ASTN1: variants seen among roughly 807,000 people sequenced by gnomAD.
ASTN1 encodes the protein astrotactin-1.
In ASTN1, 41 loss-of-function variants were observed where a neutral mutation model predicts 140.7. That is an observed-to-expected ratio of 0.29 (90% CI 0.23 to 0.38). The LOEUF (loss-of-function observed/expected upper bound fraction) is 0.38. Ranked by LOEUF, ASTN1 falls within the 10% of genes least tolerant of loss-of-function variation. The pLI, the probability that ASTN1 is intolerant of heterozygous loss-of-function variation, is 1.00. For missense variants in ASTN1, 1,479 were observed against 1,678.8 expected (o/e 0.88, Z 2.08); for synonymous variants, 640 against 652.2 (o/e 0.98, Z 0.29).
chr1:177,108,858 T>C (rs1364133743), intron 1 of ASTN1, among the ~76,000 whole-genome samples: 1 of 152,108 alleles, frequency 6.6e-6, no homozygotes, highest in Non-Finnish European at 1.5e-5. Flanking sequence ...TGAAGTTATA[T>C]AGTTGTAGGC....
intron 16 of ASTN1, among the ~76,000 whole-genome samples, chr1:176,930,866 G>A (rs1324865589): frequency 6.6e-6 from 1 of 152,114 alleles, no homozygotes; most frequent in African/African-American, 2.4e-5. Flanking sequence ...GGTAAAGAGG[G>A]GCGTGTGTTT....
intron 8 of ASTN1, among the ~76,000 whole-genome samples, chr1:176,966,344 A>G (rs1267274545): frequency 6.6e-6 from 1 of 152,210 alleles, no homozygotes; most frequent in Non-Finnish European, 1.5e-5. Flanking sequence ...CAATGACACA[A>G]TGACTGAAGG....
intron 14 of ASTN1, among the ~76,000 whole-genome samples, chr1:176,936,590 T>TTATG (rs1671457967): frequency 6.6e-6 from 1 of 152,254 alleles, no homozygotes; most frequent in East Asian, 1.9e-4. Context: ...CATACATATA[T>TTATG]TAAGCCATTT....
At chr1:176,869,806 G>T (rs1668265331) in intron 21 of ASTN1, among the ~76,000 whole-genome samples, 1 of 152,184 alleles carries the variant, frequency 6.6e-6, no homozygotes, top group Non-Finnish European at 1.5e-5. Context: ...CCCTGGCAGT[G>T]GGTGGTGCGC....
chr1:176,913,000 C>A (rs561335660), intron 16 of ASTN1, among the ~76,000 whole-genome samples: 1 of 152,200 alleles, frequency 6.6e-6, no homozygotes, highest in African/African-American at 2.4e-5. Context: ...CATGATCCCA[C>A]GGAAGGTCGT....
chr1:177,132,888 C>T (rs1008674966), intron 1 of ASTN1, among the ~76,000 whole-genome samples: 2 of 152,158 alleles, frequency 1.3e-5, no homozygotes, highest in Non-Finnish European at 2.9e-5. Context: ...TACTCATACT[C>T]AGAGTGAGAA....
intron 2 of ASTN1, among the ~76,000 whole-genome samples, chr1:177,033,932 A>C (rs1676580449): frequency 6.6e-6 from 1 of 152,048 alleles, no homozygotes; most frequent in Non-Finnish European, 1.5e-5. Flanking sequence ...TCCCGTGCAC[A>C]ATCTCTATTC....
chr1:177,007,422 T>TTTTTTAATAAATTAA (rs1675053144), intron 8 of ASTN1, among the ~76,000 whole-genome samples: 1 of 152,108 alleles, frequency 6.6e-6, no homozygotes, highest in South Asian at 2.1e-4. Flanking sequence ...GCAAGGATCT[T>TTTTTTAATAAATTAA]TAAAGCTGCA....
chr1:177,120,013 G>T (rs1356149409), intron 1 of ASTN1, among the ~76,000 whole-genome samples: 1 of 152,096 alleles, frequency 6.6e-6, no homozygotes, highest in Non-Finnish European at 1.5e-5. Context: ...ACTTGATAAA[G>T]AATCCAGGAA....
chr1:177,012,905 T>C (rs193045572), intron 8 of ASTN1, among the ~76,000 whole-genome samples: 165 of 152,270 alleles, frequency 1.1e-3, no homozygotes, highest in Admixed American at 0.011. Flanking sequence ...TGGTTATCCA[T>C]CACTTTTTTA....
chr1:176,880,423 G>C (rs1668748557), intron 20 of ASTN1, among the ~76,000 whole-genome samples: 1 of 152,114 alleles, frequency 6.6e-6, no homozygotes, highest in Non-Finnish European at 1.5e-5. Context: ...TCCGGAAAGA[G>C]AGCAGCTCTC....
At position 177,020,936 on chromosome 1, in the gene ASTN1, G is replaced by A. The variant is rs544427242; in HGVS notation, c.1438+2468C>T. 3.4e-4 allele frequency among the ~76,000 whole-genome samples: 51 copies of A among 152,192 alleles called. 1 individual carries two copies. Among genetic ancestry groups the A allele is most frequent in the Admixed American group, 1.2e-3 (18 of 15,278 alleles). ...TCCATATGGGCAGACCCCTCAGTAT[G>A]GCTGGGAAAGCACATGTCCCAACAC... is the stretch of plus-strand genomic sequence containing the variant. On this transcript the variant is annotated intron_variant, in intron 7 of 22. Coordinates refer to ENST00000361833, the MANE Select transcript of ASTN1 (RefSeq NM_004319.3).
rs1367163515 is a variant in ASTN1, at chr1:176,866,602, T to C, written c.3648-2081A>G. Reference sequence around the variant, plus strand: ...AACTTACATCATCCTTCCAAAAGAATGAATTAAATTAGTCCACACAGCCTT... The same window carrying C: ...AACTTACATCATCCTTCCAAAAGAACGAATTAAATTAGTCCACACAGCCTT... On this transcript the variant is annotated intron_variant, in intron 22 of 22. Coordinates refer to ENST00000361833, the MANE Select transcript of ASTN1 (RefSeq NM_004319.3). Among the ~76,000 whole-genome samples the C allele has an allele frequency of 3.3e-5, 5 of 152,216 alleles. No homozygotes were observed. In the East Asian group the frequency reaches 9.6e-4, roughly 29 times the overall value.
intron 1 of ASTN1, among the ~76,000 whole-genome samples, chr1:177,113,236 GCA>G (rs1558104599): frequency 2.6e-5 from 4 of 152,046 alleles, no homozygotes; most frequent in Admixed American, 2.6e-4. Context: ...TCCAAACCAG[GCA>G]CAGACACCTA....
intron 1 of ASTN1, among the ~76,000 whole-genome samples, chr1:177,125,939 C>A (rs1397257638): frequency 1.3e-5 from 2 of 152,208 alleles, no homozygotes; most frequent in African/African-American, 2.4e-5. Context: ...AACTCTCCTT[C>A]AAGCTTCAAA....
At chr1:176,926,890 T>A (rs12095071) in intron 16 of ASTN1, among the ~76,000 whole-genome samples, 8,389 of 152,240 alleles carry the variant, frequency 0.055, 739 homozygotes, top group African/African-American at 0.19. Context: ...GTCTAGGCTG[T>A]CCGCATTCAC....
At chr1:176,867,065 T>A (rs1464005945) in intron 22 of ASTN1, among the ~76,000 whole-genome samples, 1 of 151,990 alleles carries the variant, frequency 6.6e-6, no homozygotes, top group Admixed American at 6.6e-5. Context: ...GGGAGGAGAG[T>A]GTGCAGTCAG....
At chr1:177,129,828 A>G (rs1220097271) in intron 1 of ASTN1, among the ~76,000 whole-genome samples, 1 of 152,108 alleles carries the variant, frequency 6.6e-6, no homozygotes, top group Admixed American at 6.5e-5. Flanking sequence ...CTAGCTGGAC[A>G]TGGTGGCACG....
At chr1:177,150,298 A>C (rs1158872734) in intron 1 of ASTN1, among the ~76,000 whole-genome samples, 1 of 152,110 alleles carries the variant, frequency 6.6e-6, no homozygotes, top group East Asian at 1.9e-4. Context: ...TGTAGACTAG[A>C]ACCCAGATAA....
Sources: allele counts gnomAD v4.1 joint callset (sites outside exome capture counted in the v4.1 genomes callset), GRCh38; gene constraint gnomAD v4.1.1; transcripts MANE v1.5; gene names NCBI Gene and HGNC (gene_info 2026-07-23, HGNC 2026-07-21).